Variants in BNC2 observed in about 807,000 individuals in gnomAD.
BNC2 encodes the protein zinc finger protein basonuclin-2.
A neutral mutation model predicts 76.3 loss-of-function variants in BNC2; 20 were observed. That is an observed-to-expected ratio of 0.26 (90% CI 0.18 to 0.38). The LOEUF (loss-of-function observed/expected upper bound fraction) is 0.38, where lower values mean the gene tolerates loss of function less well. BNC2 is among the 10% of genes least tolerant of loss of function. The pLI is 1.00. For missense variants in BNC2, 1,382 were observed against 1,399.8 expected, an observed-to-expected ratio of 0.99 and a Z score of 0.20; for synonymous variants, 582 against 514.8, an observed-to-expected ratio of 1.13 and a Z score of -1.77.
chr9:16,672,059 T>C (rs908452816), intron 3 of BNC2, among the ~76,000 whole-genome samples: 24 of 152,164 alleles, frequency 1.6e-4, no homozygotes, highest in Non-Finnish European at 3.1e-4. Flanking sequence ...ACAGAAATAA[T>C]ACATACTCTG....
Position 16,748,660 on chromosome 9 carries a change from C to T in BNC2, c.4-10175G>A, listed in dbSNP as rs373548781. Reference sequence around the variant, plus strand: ...GAGTTCGAGATCAGACTGGCCAACACGGTGAAACCCCATCTCCACTAAAAA... The same window carrying T: ...GAGTTCGAGATCAGACTGGCCAACATGGTGAAACCCCATCTCCACTAAAAA... On this transcript the variant is annotated intron_variant, in intron 1 of 6. Coordinates refer to ENST00000380672, the MANE Select transcript of BNC2 (RefSeq NM_017637.6). 5.9e-5 allele frequency among the ~76,000 whole-genome samples: 9 copies of T among 151,644 alleles called. No individual in the cohort carries two copies. In the South Asian group the frequency reaches 1.5e-3, roughly 25 times the overall value.
At chr9:16,827,039 T>C (rs1011248512) in intron 1 of BNC2, among the ~76,000 whole-genome samples, 2 of 152,240 alleles carry the variant, frequency 1.3e-5, no homozygotes, top group Non-Finnish European at 2.9e-5. Flanking sequence ...ATAAGTGCTA[T>C]GATTTAAGCG....
In BNC2 at chr9:16,727,789, T is replaced by A. The variant is rs1824386492; in HGVS notation, c.330+8A>T. On this transcript the variant is annotated splice_region_variant and intron_variant, in intron 3 of 6. Transcript: ENST00000380672. ...AGAAAAAAAAAATCAAGAAAGAAAG[T>A]AACTTACCTGTTGGGACATTCTGAA... 2.5e-6 allele frequency: 4 copies of A among 1,609,242 alleles called. No homozygotes were observed. The highest frequency in any genetic ancestry group is 2.2e-5 in the East Asian group (1 of 44,860).
At chr9:16,860,367 C>T (rs1819367222) in intron 1 of BNC2, among the ~76,000 whole-genome samples, 1 of 152,008 alleles carries the variant, frequency 6.6e-6, no homozygotes, top group South Asian at 2.1e-4. Flanking sequence ...AACAGAAATT[C>T]CAGAAATAAA....
intron 1 of BNC2, among the ~76,000 whole-genome samples, chr9:16,848,170 A>G (rs1366997392): frequency 6.6e-6 from 1 of 152,196 alleles, no homozygotes; most frequent in Non-Finnish European, 1.5e-5. Flanking sequence ...AAATTAACCT[A>G]AAAACAAATT....
chr9:16,842,863 T>C (rs1264919425), intron 1 of BNC2, among the ~76,000 whole-genome samples: 1 of 152,214 alleles, frequency 6.6e-6, no homozygotes, highest in African/African-American at 2.4e-5. Flanking sequence ...GCAATTCTCC[T>C]GCATCAGCCT....
chr9:16,703,927 G>T (rs988699809), intron 3 of BNC2, among the ~76,000 whole-genome samples: 1 of 152,020 alleles, frequency 6.6e-6, no homozygotes, highest in East Asian at 1.9e-4. Context: ...AAGTATATAT[G>T]TATTATTAAG....
At chr9:16,751,559 A>G (rs1437053796) in intron 1 of BNC2, among the ~76,000 whole-genome samples, 1 of 36,808 alleles carries the variant, frequency 2.7e-5, no homozygotes, top group Non-Finnish European at 9.1e-5. Flanking sequence ...AATCATATAA[A>G]AAGTTATTAT....
intron 1 of BNC2, among the ~76,000 whole-genome samples, chr9:16,861,727 C>T (rs535642856): frequency 6.5e-4 from 99 of 152,278 alleles, no homozygotes; most frequent in African/African-American, 2.3e-3. Context: ...CGGTGGCTCA[C>T]GCCTGAAATC....
rs1821044405 is a variant in BNC2 at position 16,437,542 on chromosome 9, G to C, written c.670-18C>G. 2.5e-6 allele frequency: 4 copies of C among 1,608,784 alleles called. No homozygotes were observed. The highest frequency in any genetic ancestry group is 3.4e-6 in the Non-Finnish European group (4 of 1,179,808). Reference sequence around the variant, plus strand: ...GCAGCATCCTAGAGGCCACATCAAAGAAACAACAAAGACAAACACAAAAAC... The same window carrying C: ...GCAGCATCCTAGAGGCCACATCAAACAAACAACAAAGACAAACACAAAAAC... On this transcript the variant is annotated intron_variant, in intron 5 of 6. Transcript: ENST00000380672.
chr9:16,572,828 A>C (rs1927618), intron 4 of BNC2, among the ~76,000 whole-genome samples: 33,827 of 151,972 alleles, frequency 0.22, 5,859 homozygotes, highest in African/African-American at 0.47. Context: ...TGTTAGGATT[A>C]TCACACCAAT....
intron 2 of BNC2, among the ~76,000 whole-genome samples, chr9:16,735,642 G>A (rs772068576): frequency 3.0e-4 from 46 of 151,830 alleles, no homozygotes; most frequent in Admixed American, 1.2e-3. Context: ...GATTACAGGC[G>A]TGTGCCATCA....
At chr9:16,553,417 G>C (rs571187942) in intron 4 of BNC2, among the ~76,000 whole-genome samples, 8 of 152,282 alleles carry the variant, frequency 5.3e-5, no homozygotes, top group African/African-American at 1.9e-4. Flanking sequence ...TTAGTCACCT[G>C]TTAGATAGCT....
intron 1 of BNC2, among the ~76,000 whole-genome samples, chr9:16,813,329 G>T (rs1367805206): frequency 4.0e-5 from 6 of 151,234 alleles, no homozygotes; most frequent in Non-Finnish European, 5.9e-5. Flanking sequence ...GCAGTGGTGC[G>T]ATCTCGGCTC....
intron 6 of BNC2, among the ~76,000 whole-genome samples, chr9:16,424,853 T>C (rs1219625369): frequency 6.6e-6 from 1 of 152,242 alleles, no homozygotes; most frequent in African/African-American, 2.4e-5. Context: ...CACTATCTAT[T>C]ACACTTACCT....
intron 2 of BNC2, among the ~76,000 whole-genome samples, chr9:16,737,856 G>A (rs1392171267): frequency 6.6e-6 from 1 of 152,042 alleles, no homozygotes; most frequent in Non-Finnish European, 1.5e-5. Context: ...CACTTTTGGG[G>A]TTCAGGTAGT....
At chr9:16,732,767 C>A (rs889539706) in intron 2 of BNC2, among the ~76,000 whole-genome samples, 2 of 152,144 alleles carry the variant, frequency 1.3e-5, no homozygotes, top group African/African-American at 4.8e-5. Flanking sequence ...CTTGTCAAGA[C>A]AAAACTGTCC....
intron 5 of BNC2, among the ~76,000 whole-genome samples, chr9:16,464,332 T>C (rs993086227): frequency 2.0e-4 from 30 of 152,212 alleles, no homozygotes; most frequent in African/African-American, 6.7e-4. Flanking sequence ...GTCTTTGCCA[T>C]TCAGGTCATT....
At chr9:16,458,588 T>C (rs1268623714) in intron 5 of BNC2, among the ~76,000 whole-genome samples, 3 of 152,180 alleles carry the variant, frequency 2.0e-5, no homozygotes, top group East Asian at 1.9e-4. Flanking sequence ...GTAGGTAGCA[T>C]TTTTAAAAAA....
Sources: gnomAD v4.1 joint callset for allele counts (sites outside exome capture counted in the v4.1 genomes callset) on GRCh38, gnomAD v4.1.1 for gene constraint, MANE v1.5 for transcripts, NCBI Gene and HGNC (gene_info 2026-07-23, HGNC 2026-07-21) for gene names.